The following MGA variants were observed in gnomAD, a reference collection of about 807,000 sequenced individuals.
The protein encoded by MGA is MAX gene-associated protein.
Under a neutral mutation model 261.1 loss-of-function variants are expected in MGA, and 40 were observed. The observed-to-expected ratio is 0.15, with a 90% CI of 0.12 to 0.20. The LOEUF (loss-of-function observed/expected upper bound fraction) is 0.20, where lower values mean the gene tolerates loss of function less well. Ranked by LOEUF, MGA falls within the 10% of genes least tolerant of loss-of-function variation. The pLI is 1.00. For synonymous variants in MGA, 1,302 were observed against 1,290.6 expected (o/e 1.01, Z -0.19); for missense variants, 3,397 against 3,630.5 (o/e 0.94, Z 1.65).
At chr15:41,672,150 A>G (rs1260047406) in intron 2 of MGA, among the ~76,000 whole-genome samples, 4 of 152,192 alleles carry the variant, frequency 2.6e-5, no homozygotes, top group African/African-American at 9.6e-5. Flanking sequence ...TGAAAGGGTC[A>G]GACGTATGTT....
At chr15:41,721,748 A>G (rs1435666150) in intron 9 of MGA, among the ~76,000 whole-genome samples, 1 of 152,214 alleles carries the variant, frequency 6.6e-6, no homozygotes, top group Non-Finnish European at 1.5e-5. Flanking sequence ...AATCTCCTAC[A>G]CTGCTGATGG....
intron 2 of MGA, among the ~76,000 whole-genome samples, chr15:41,685,830 G>A (rs1306361796): frequency 6.6e-6 from 1 of 151,636 alleles, no homozygotes; most frequent in East Asian, 2.0e-4. Context: ...GTGAAACCCC[G>A]TCTCTACTAA....
Position 41,760,376 on chromosome 15 carries a change from G to A in MGA, c.7245G>A (p.Gln2415=), listed in dbSNP as rs937056349. The A allele has an allele frequency of 2.5e-6, 4 of 1,613,908 alleles. No homozygotes were observed. The highest frequency in any genetic ancestry group is 2.5e-6 in the Non-Finnish European group (3 of 1,179,894). The change falls in exon 20 of 24, where the codon CAG becomes CAA. Residue 2415 remains glutamine, a synonymous_variant. Transcript: ENST00000219905. The stretch of plus-strand genomic sequence containing the variant: ...CTGATTACTGGAGTGACAAACTACA[G>A]AAAGAAGCAGAAGCGTTTGCTTATT...
chr15:41,766,530 G>A lies in MGA; in HGVS notation c.8448G>A (p.Glu2816=). ...AACTGCTGACTAACATGGAAGATGAGGATGATACTGATGAGACACTGACTT... is the reference window on the plus strand; with the variant it reads ...AACTGCTGACTAACATGGAAGATGAAGATGATACTGATGAGACACTGACTT... The change falls in exon 24 of 24, where the codon GAG becomes GAA. Residue 2816 remains glutamate (E), a synonymous_variant. Coordinates refer to ENST00000219905, the MANE Select transcript of MGA (RefSeq NM_001164273.2). The A allele has an allele frequency of 6.2e-7, 1 of 1,613,950 alleles. No individual in the cohort carries two copies. The highest frequency in any genetic ancestry group is 8.5e-7 in the Non-Finnish European group (1 of 1,179,888).
At chr15:41,752,910 A>G (rs901388600) in intron 17 of MGA, among the ~76,000 whole-genome samples, 3 of 152,164 alleles carry the variant, frequency 2.0e-5, no homozygotes, top group African/African-American at 7.2e-5. Flanking sequence ...CTAATAGGGA[A>G]TTTGACAAGC....
chr15:41,721,987 C>G (rs2060965235), intron 9 of MGA, among the ~76,000 whole-genome samples: 1 of 151,870 alleles, frequency 6.6e-6, no homozygotes, highest in African/African-American at 2.4e-5. Flanking sequence ...AATAACATAC[C>G]ACAGTGAAAA....
At chr15:41,655,313 G>A (rs1238271146) in intron 1 of MGA, among the ~76,000 whole-genome samples, 1 of 151,618 alleles carries the variant, frequency 6.6e-6, no homozygotes, top group Non-Finnish European at 1.5e-5. Flanking sequence ...CAAGTAGCTG[G>A]GATTACAGGC....
rs570814933 is a variant in MGA, at chr15:41,686,654, C to G, written c.1065-9421C>G. Among the ~76,000 whole-genome samples the G allele has an allele frequency of 2.0e-5, 3 of 152,088 alleles. No homozygotes were observed. In the South Asian group the frequency reaches 6.2e-4, roughly 32 times the overall value. On this transcript the variant is annotated intron_variant, in intron 2 of 23. Transcript: ENST00000219905. ...GCTCTTTATCATGTTGAAATACTTT[C>G]CTACTGTTACCCATTTTCCTGAATA... is the stretch of plus-strand genomic sequence containing the variant.
At chr15:41,651,803 C>T (rs1347818153) in intron 1 of MGA, among the ~76,000 whole-genome samples, 18 of 13,132 alleles carry the variant, frequency 1.4e-3, no homozygotes. Context: ...CCTCTCCCCC[C>T]CCTCTTCCTT....
intron 1 of MGA, among the ~76,000 whole-genome samples, chr15:41,663,466 CTTT>C (rs996659668): frequency 2.1e-5 from 3 of 146,020 alleles, no homozygotes; most frequent in Non-Finnish European, 4.5e-5. Flanking sequence ...CTACCCTTTT[CTTT>C]TCTTTATTAT....
At chr15:41,759,167 T>C (rs1371343417) in intron 19 of MGA, among the ~76,000 whole-genome samples, 1 of 152,126 alleles carries the variant, frequency 6.6e-6, no homozygotes, top group Non-Finnish European at 1.5e-5. Context: ...TGCTAAGGGA[T>C]CAGTAGAACA....
intron 1 of MGA, among the ~76,000 whole-genome samples, chr15:41,644,154 A>G (rs1305572064): frequency 6.6e-6 from 1 of 152,010 alleles, no homozygotes; most frequent in Non-Finnish European, 1.5e-5. Flanking sequence ...ATTTTACATA[A>G]TAAGACATTT....
chr15:41,748,543 A>C, intron 15 of MGA, 94 bp from the exon 16 acceptor site: 1 of 1,395,058 alleles, frequency 7.2e-7, no homozygotes, highest in Non-Finnish European at 9.6e-7. Context: ...GCAACAAAGC[A>C]AGACTGTGTC....
intron 1 of MGA, among the ~76,000 whole-genome samples, chr15:41,624,977 A>T (rs2056410753): frequency 6.6e-6 from 1 of 152,132 alleles, no homozygotes; most frequent in Non-Finnish European, 1.5e-5. Context: ...CCCCATCTGT[A>T]CAAAAAAATT....
At chr15:41,673,454 G>A (rs936633846) in intron 2 of MGA, among the ~76,000 whole-genome samples, 8 of 151,544 alleles carry the variant, frequency 5.3e-5, no homozygotes, top group African/African-American at 1.9e-4. Context: ...CTGGCCTCAA[G>A]TGATCCTCCT....
intron 8 of MGA, 127 bp from the exon 9 acceptor site, chr15:41,713,024 A>C: frequency 1.5e-6 from 2 of 1,350,322 alleles, no homozygotes; most frequent in Non-Finnish European, 2.0e-6. Flanking sequence ...TGTCCTTTGA[A>C]TCTGCATTAG....
chr15:41,641,309 T>C (rs1476406971), intron 1 of MGA, among the ~76,000 whole-genome samples: 2 of 152,170 alleles, frequency 1.3e-5, no homozygotes, highest in African/African-American at 2.4e-5. Context: ...TGGACTTTTT[T>C]TGTATAAACT....
chr15:41,682,347 G>T (rs1306437102), intron 2 of MGA, among the ~76,000 whole-genome samples: 1 of 151,854 alleles, frequency 6.6e-6, no homozygotes, highest in Non-Finnish European at 1.5e-5. Context: ...ATACTTCTTC[G>T]GGAGCTCTTT....
In MGA at chr15:41,699,510, T is replaced by TG. The variant is rs33996379; in HGVS notation, c.2188+351_2188+352insG. 3.2e-4 allele frequency among the ~76,000 whole-genome samples: 49 copies of TG among 151,594 alleles called. No homozygotes were observed. The South Asian group carries it at 7.3e-3, about 23-fold the overall frequency. On this transcript the variant is annotated intron_variant, in intron 5 of 23. Coordinates refer to ENST00000219905, the MANE Select transcript of MGA (RefSeq NM_001164273.2). ...TTTTGTTTATGTGTGTGTGTGTGTGTTTGTTTGAGACGGAGTTTCGCTCTG... is the reference window on the plus strand; with the variant it reads ...TTTTGTTTATGTGTGTGTGTGTGTGTGTTGTTTGAGACGGAGTTTCGCTCTG...
Sources: gnomAD v4.1 joint callset for allele counts (sites outside exome capture counted in the v4.1 genomes callset) on GRCh38, gnomAD v4.1.1 for gene constraint, MANE v1.5 for transcripts, NCBI Gene and HGNC (gene_info 2026-07-23, HGNC 2026-07-21) for gene names.